Variants in ADARB2 observed in about 807,000 individuals in gnomAD.
ADARB2 encodes inactive double-stranded RNA-specific editase B2.
Under a neutral mutation model 62.2 loss-of-function variants are expected in ADARB2, and 25 were observed. The observed-to-expected ratio is 0.40, with a 90% CI of 0.29 to 0.56. The LOEUF is 0.56. Ranked by LOEUF, ADARB2 falls within the 20% of genes least tolerant of loss-of-function variation. The pLI is 0.43. For missense variants in ADARB2, 1,071 were observed against 1,077.4 expected, an observed-to-expected ratio of 0.99 and a Z score of 0.08; for synonymous variants, 572 against 500.8, an observed-to-expected ratio of 1.14 and a Z score of -1.90.
intron 4 of ADARB2, among the ~76,000 whole-genome samples, chr10:1,244,077 G>A (rs1830954245): frequency 6.6e-6 from 1 of 152,252 alleles, no homozygotes; most frequent in Non-Finnish European, 1.5e-5. Context: ...CTGGGTGCGG[G>A]GGCTGCCCCC....
At chr10:1,270,227 G>A (rs12250634) in intron 4 of ADARB2, among the ~76,000 whole-genome samples, 4,713 of 152,264 alleles carry the variant, frequency 0.031, 268 homozygotes, top group African/African-American at 0.11. Flanking sequence ...ATGTCAGCTC[G>A]ATGGTCTTTT....
At chr10:1,720,588 C>T (rs542341947) in intron 1 of ADARB2, among the ~76,000 whole-genome samples, 1 of 152,072 alleles carries the variant, frequency 6.6e-6, no homozygotes, top group Non-Finnish European at 1.5e-5. Flanking sequence ...AAAAAAATTG[C>T]CAAAAGAGAA....
chr10:1,256,841 G>A (rs1831083884), intron 4 of ADARB2, among the ~76,000 whole-genome samples: 1 of 152,286 alleles, frequency 6.6e-6, no homozygotes, highest in East Asian at 1.9e-4. Context: ...GGCTGAGCAA[G>A]CTCTTCACCC....
At chr10:1,272,167 TTCA>T (rs1357529394) in intron 3 of ADARB2, among the ~76,000 whole-genome samples, 1 of 152,206 alleles carries the variant, frequency 6.6e-6, no homozygotes, top group African/African-American at 2.4e-5. Context: ...GCCAAATCAA[TTCA>T]TCATCTCATC....
intron 1 of ADARB2, among the ~76,000 whole-genome samples, chr10:1,657,780 G>A (rs931887736): frequency 6.6e-6 from 1 of 152,174 alleles, no homozygotes; most frequent in Non-Finnish European, 1.5e-5. Flanking sequence ...TGAACTCCCT[G>A]GAGGTGGAAG....
In ADARB2 at chr10:1,728,562, A is replaced by T. The variant is rs537976229; in HGVS notation, c.100+8489T>A. Among the ~76,000 whole-genome samples, 22 of 152,326 alleles carry T rather than the reference A, an allele frequency of 1.4e-4. No individual in the cohort carries two copies. The South Asian group carries it at 4.6e-3, about 32-fold the overall frequency. ...CACAAACACACAAGTGCACATGTTAACGGCATGCCTTCTATTCATTACCCA... is the reference window on the plus strand; with the variant it reads ...CACAAACACACAAGTGCACATGTTATCGGCATGCCTTCTATTCATTACCCA... On this transcript the variant is annotated intron_variant, in intron 1 of 9. Coordinates refer to ENST00000381312, the MANE Select transcript of ADARB2 (RefSeq NM_018702.4).
chr10:1,638,536 G>C (rs551612752), intron 1 of ADARB2, among the ~76,000 whole-genome samples: 1 of 151,376 alleles, frequency 6.6e-6, no homozygotes, highest in Non-Finnish European at 1.5e-5. Context: ...CAATTATAGC[G>C]AAGGATACAT....
Position 1,217,127 on chromosome 10 carries a change from AT to A in ADARB2, c.1514-9del. On this transcript the variant is annotated splice_polypyrimidine_tract_variant and intron_variant, in intron 6 of 9. Coordinates refer to ENST00000381312, the MANE Select transcript of ADARB2 (RefSeq NM_018702.4). Reference sequence around the variant, plus strand: ...GGTGTTTGCTGCTGTGCACTAGGAGATAAAAGGGCGGGGAGGGGTGAGAAGA... The same window carrying A: ...GGTGTTTGCTGCTGTGCACTAGGAGAAAAAGGGCGGGGAGGGGTGAGAAGA... 6.3e-7 allele frequency: 1 copy of A among 1,577,406 alleles called. No homozygotes were observed. The highest frequency in any genetic ancestry group is 8.6e-7 in the Non-Finnish European group (1 of 1,160,878).
chr10:1,350,976 A>G (rs901993173), intron 3 of ADARB2, among the ~76,000 whole-genome samples: 11 of 152,314 alleles, frequency 7.2e-5, no homozygotes, highest in African/African-American at 2.6e-4. Flanking sequence ...CCTGAACCGC[A>G]GCTGCCAGGG....
chr10:1,277,873 G>A (rs151114247), intron 3 of ADARB2, among the ~76,000 whole-genome samples: 3,939 of 152,180 alleles, frequency 0.026, 63 homozygotes, highest in Middle Eastern at 0.051. Flanking sequence ...CTGGCAAACC[G>A]AATCCACCAG....
Position 1,219,045 on chromosome 10 carries a change from G to C in ADARB2, c.1514-1926C>G, listed in dbSNP as rs1360548102. ...AGCCTGGGCGACAGAGCAAGACTACGTCTCAAAAAAAAAAAAAAAAAAAAG... is the reference window on the plus strand; with the variant it reads ...AGCCTGGGCGACAGAGCAAGACTACCTCTCAAAAAAAAAAAAAAAAAAAAG... On this transcript the variant is annotated intron_variant, in intron 6 of 9. Transcript: ENST00000381312. Among the ~76,000 whole-genome samples the C allele has an allele frequency of 3.8e-5, 3 of 79,790 alleles. No individual in the cohort carries two copies. The East Asian group carries it at 9.7e-4, about 26-fold the overall frequency. 52.3% of individuals were successfully genotyped at this position (79,790 alleles called of 152,430 possible). A position where few individuals can be genotyped will look rare whatever the true frequency, so the allele number is the denominator to read the frequency against.
At chr10:1,375,626 C>T (rs951514511) in intron 2 of ADARB2, among the ~76,000 whole-genome samples, 1 of 152,254 alleles carries the variant, frequency 6.6e-6, no homozygotes, top group East Asian at 1.9e-4. Context: ...AGCCCTTAGA[C>T]ACACAGACTC....
chr10:1,385,320 G>C, intron 1 of ADARB2, among the ~76,000 whole-genome samples: 1 of 152,206 alleles, frequency 6.6e-6, no homozygotes, highest in South Asian at 2.1e-4. Context: ...GAAGTAAAAA[G>C]ATCTAATGAT....
chr10:1,276,345 G>C (rs894636240), intron 3 of ADARB2, among the ~76,000 whole-genome samples: 13 of 152,098 alleles, frequency 8.5e-5, no homozygotes, highest in African/African-American at 3.1e-4. Context: ...CCCACTTTTT[G>C]ATGGGGCTGT....
chr10:1,590,771 A>T (rs1833241860), intron 1 of ADARB2, among the ~76,000 whole-genome samples: 1 of 152,142 alleles, frequency 6.6e-6, no homozygotes, highest in Non-Finnish European at 1.5e-5. Flanking sequence ...TGCTGGTGTG[A>T]GGTGGACGGT....
At chr10:1,631,252 C>T (rs1480938485) in intron 1 of ADARB2, among the ~76,000 whole-genome samples, 2 of 152,102 alleles carry the variant, frequency 1.3e-5, no homozygotes, top group South Asian at 2.1e-4. Flanking sequence ...TACTTTCTTC[C>T]TTCCTCCATT....
At chr10:1,436,283 C>G (rs79421823) in intron 1 of ADARB2, among the ~76,000 whole-genome samples, 1 of 152,280 alleles carries the variant, frequency 6.6e-6, no homozygotes, top group East Asian at 1.9e-4. Context: ...CAAGGGAAAC[C>G]TATACTACCC....
chr10:1,487,561 A>G (rs921479664), intron 1 of ADARB2, among the ~76,000 whole-genome samples: 2 of 152,178 alleles, frequency 1.3e-5, no homozygotes, highest in African/African-American at 4.8e-5. Context: ...TTTTGGGCCA[A>G]GGGTTAGGTG....
At chr10:1,565,859 C>T (rs1249103406) in intron 1 of ADARB2, among the ~76,000 whole-genome samples, 2 of 152,144 alleles carry the variant, frequency 1.3e-5, no homozygotes, top group South Asian at 2.1e-4. Flanking sequence ...CGCGCTTCTC[C>T]GTGGTGGGCA....
Sources: gnomAD v4.1 joint callset for allele counts (sites outside exome capture counted in the v4.1 genomes callset) on GRCh38, gnomAD v4.1.1 for gene constraint, MANE v1.5 for transcripts, NCBI Gene and HGNC (gene_info 2026-07-23, HGNC 2026-07-21) for gene names.